Variants in PHLDB2 observed in about 807,000 individuals in gnomAD.
PHLDB2 encodes pleckstrin homology-like domain family B member 2.
A neutral mutation model predicts 123.6 loss-of-function variants in PHLDB2; 71 were observed. The observed-to-expected ratio is 0.57, with a 90% CI of 0.47 to 0.70. The LOEUF is 0.70. PHLDB2 is among the 30% of genes least tolerant of loss of function. The probability of loss-of-function intolerance (pLI) is 0.00; values close to 1 mark genes in which losing one functional copy is unlikely to be tolerated. For missense variants in PHLDB2, 1,446 were observed against 1,519.5 expected (o/e 0.95, Z 0.80); for synonymous variants, 547 against 541.6 (o/e 1.01, Z -0.14).
intron 16 of PHLDB2, among the ~76,000 whole-genome samples, chr3:111,972,661 A>G (rs186784200): frequency 6.6e-6 from 1 of 150,392 alleles, no homozygotes; most frequent in East Asian, 2.0e-4. Flanking sequence ...CCTATTTCAT[A>G]TAATAGTATT....
intron 1 of PHLDB2, among the ~76,000 whole-genome samples, chr3:111,798,198 T>G (rs1052252826): frequency 6.6e-6 from 1 of 152,142 alleles, no homozygotes; most frequent in South Asian, 2.1e-4. Flanking sequence ...GGTGAACTTC[T>G]AAGACCTTGG....
chr3:111,938,431 C>T (rs1028392336), intron 6 of PHLDB2, among the ~76,000 whole-genome samples: 4 of 151,948 alleles, frequency 2.6e-5, no homozygotes, highest in African/African-American at 9.7e-5. Context: ...ATTATTAGAG[C>T]ATGCATTTCC....
At chr3:111,830,966 A>G (rs1252060705) in intron 1 of PHLDB2, among the ~76,000 whole-genome samples, 903 of 34,318 alleles carry the variant, frequency 0.026, 23 homozygotes, top group Non-Finnish European at 0.027. Flanking sequence ...AGAAAGAAAG[A>G]AAGAAAGAAA....
Position 111,919,101 on chromosome 3 carries a change from A to G in PHLDB2, c.1749A>G (p.Arg583=). ...KTPEGISEEQ[R]SQELAAMEET... ...CAGAGGGTATAAGTGAAGAACAGAG[A>G]TCTCAGGAGTTGGCTGCAATGGAAG... is the stretch of plus-strand genomic sequence containing the variant. Residue 583 remains arginine (R), a synonymous_variant, in exon 4 of 18, where the codon AGA becomes AGG. Coordinates refer to ENST00000431670, the MANE Select transcript of PHLDB2 (RefSeq NM_001134438.2). The G allele has an allele frequency of 1.9e-6, 3 of 1,614,070 alleles. No homozygotes were observed. Among genetic ancestry groups the G allele is most frequent in the Non-Finnish European group, 1.7e-6 (2 of 1,179,896 alleles).
intron 1 of PHLDB2, among the ~76,000 whole-genome samples, chr3:111,767,017 C>T (rs4405880): frequency 0.87 from 117,907 of 135,678 alleles, 52,040 homozygotes; most frequent in East Asian, 1. Flanking sequence ...GGCAACAGAG[C>T]CTGACTTCAT....
chr3:111,955,066 A>G (rs1414905593), intron 12 of PHLDB2, among the ~76,000 whole-genome samples: 2 of 151,588 alleles, frequency 1.3e-5, no homozygotes, highest in African/African-American at 4.8e-5. Flanking sequence ...ACGCACATAT[A>G]TGTAATACAT....
intron 16 of PHLDB2, 69 bp from the exon 17 acceptor site, chr3:111,973,663 G>T: frequency 1.2e-6 from 1 of 839,584 alleles, no homozygotes; most frequent in Non-Finnish European, 1.9e-6. Context: ...GATTATAATT[G>T]TAATAAAATT....
intron 1 of PHLDB2, among the ~76,000 whole-genome samples, chr3:111,778,930 C>G (rs1207861370): frequency 1.3e-5 from 2 of 152,128 alleles, no homozygotes; most frequent in Non-Finnish European, 2.9e-5. Context: ...GAGTTCCTTA[C>G]TGATTCCCTT....
At position 111,884,073 on chromosome 3, in the gene PHLDB2, A is replaced by G. The variant is rs2066064676; in HGVS notation, c.-5A>G. 1 of 1,594,562 alleles carries G rather than the reference A, an allele frequency of 6.3e-7. No individual in the cohort carries two copies. The highest frequency in any genetic ancestry group is 1.8e-5 in the Admixed American group (1 of 54,488). ...TTTTATTTCTTTACAGATTCCAGCA[A>G]GATTATGGAAGAGCATAGCTACATA... On this transcript the variant is annotated 5_prime_UTR_variant, in exon 2 of 18. Coordinates refer to ENST00000431670, the MANE Select transcript of PHLDB2 (RefSeq NM_001134438.2).
intron 1 of PHLDB2, among the ~76,000 whole-genome samples, chr3:111,795,841 C>T (rs990861835): frequency 1.3e-5 from 2 of 152,192 alleles, no homozygotes; most frequent in African/African-American, 4.8e-5. Flanking sequence ...TTTCCTGCCT[C>T]AGCCTCCCCA....
At chr3:111,819,993 G>A (rs2062292836) in intron 1 of PHLDB2, among the ~76,000 whole-genome samples, 2 of 152,226 alleles carry the variant, frequency 1.3e-5, no homozygotes, top group African/African-American at 4.8e-5. Context: ...GAAAAGTAGT[G>A]TTCACATAGG....
chr3:111,790,243 T>C (rs539275886), intron 1 of PHLDB2, among the ~76,000 whole-genome samples: 21 of 152,212 alleles, frequency 1.4e-4, no homozygotes, highest in African/African-American at 5.1e-4. Context: ...TAAAGACCAC[T>C]CTCCATTTAG....
chr3:111,763,699 G>A (rs540377404), intron 1 of PHLDB2, among the ~76,000 whole-genome samples: 5 of 152,192 alleles, frequency 3.3e-5, no homozygotes, highest in Admixed American at 6.5e-5. Context: ...GAGGTGATTC[G>A]ATCACGAGGA....
intron 1 of PHLDB2, among the ~76,000 whole-genome samples, chr3:111,796,411 C>G (rs1205419762): frequency 6.6e-6 from 1 of 152,244 alleles, no homozygotes; most frequent in African/African-American, 2.4e-5. Flanking sequence ...AAGCTGCTAT[C>G]ATCCTGATGT....
At chr3:111,822,886 C>CG (rs749794892) in intron 1 of PHLDB2, among the ~76,000 whole-genome samples, 1 of 139,390 alleles carries the variant, frequency 7.2e-6, no homozygotes, top group African/African-American at 3.1e-5. Context: ...GTTTAGCCCT[C>CG]GGAAAAAAAA....
chr3:111,852,612 C>CT (rs1447751874), intron 2 of PHLDB2, among the ~76,000 whole-genome samples: 4 of 151,966 alleles, frequency 2.6e-5, no homozygotes, highest in Non-Finnish European at 4.4e-5. Flanking sequence ...GTGTTGGTTT[C>CT]TTTTTTCCAT....
chr3:111,829,074 A>C (rs1443399550), intron 1 of PHLDB2, among the ~76,000 whole-genome samples: 3 of 152,318 alleles, frequency 2.0e-5, no homozygotes, highest in East Asian at 1.9e-4. Flanking sequence ...TGAGTAGCTA[A>C]GTGACTGTTC....
At chr3:111,820,055 T>C (rs181168669) in intron 1 of PHLDB2, among the ~76,000 whole-genome samples, 56 of 152,336 alleles carry the variant, frequency 3.7e-4, no homozygotes, top group African/African-American at 1.3e-3. Context: ...CTTGCCCTAG[T>C]GGCTTGAGGT....
rs116139137 is a variant in PHLDB2, at chr3:111,837,530, A to G, written c.-48-8291A>G. Among the ~76,000 whole-genome samples, 1,150 of 152,300 alleles carry G rather than the reference A, an allele frequency of 7.6e-3. 22 individuals carry two copies. The highest frequency in any genetic ancestry group is 0.026 in the African/African-American group (1,089 of 41,550). On this transcript the variant is annotated intron_variant, in intron 1 of 17. Transcript: ENST00000393923. ...AATGCTGGATTACACAAAATTAAGTAGATGTTTCCTCAGACCCTATACTAA... is the reference window on the plus strand; with the variant it reads ...AATGCTGGATTACACAAAATTAAGTGGATGTTTCCTCAGACCCTATACTAA...
Sources: gnomAD v4.1 joint callset for allele counts (sites outside exome capture counted in the v4.1 genomes callset) on GRCh38, gnomAD v4.1.1 for gene constraint, MANE v1.5 for transcripts, NCBI Gene and HGNC (gene_info 2026-07-23, HGNC 2026-07-21) for gene names.